The following FAH variants were observed in gnomAD, a reference collection of about 807,000 sequenced individuals.
The protein encoded by FAH is fumarylacetoacetate hydrolase.
In FAH, 47 loss-of-function variants were observed where a neutral mutation model predicts 55.8. That is an observed-to-expected ratio of 0.84 (90% CI 0.67 to 1.07). FAH has a LOEUF of 1.07. FAH is among the 50% of genes least tolerant of loss of function. FAH has a pLI of 0.00. For synonymous variants in FAH, 199 were observed against 207.7 expected (o/e 0.96, Z 0.36); for missense variants, 495 against 545.9 (o/e 0.91, Z 0.93).
At chr15:80,168,789 G>A (rs114776095) in intron 7 of FAH, among the ~76,000 whole-genome samples, 16 of 152,264 alleles carry the variant, frequency 1.1e-4, no homozygotes, top group African/African-American at 3.9e-4. Flanking sequence ...GTGCTAAAGT[G>A]CCGTCTAGTG....
intron 12 of FAH, 101 bp from the exon 13 acceptor site, chr15:80,180,941 C>A: frequency 1.1e-6 from 1 of 925,526 alleles, no homozygotes; most frequent in Non-Finnish European, 1.8e-6. Context: ...CATGAGGGCC[C>A]CCTGCCACTT....
Position 80,153,153 on chromosome 15 carries a change from G to A in FAH, c.81+18G>A. 6.3e-7 allele frequency: 1 copy of A among 1,598,758 alleles called. No homozygotes were observed. On this transcript the variant is annotated intron_variant, in intron 1 of 13. Coordinates refer to ENST00000561421, the MANE Select transcript of FAH (RefSeq NM_000137.4). The stretch of plus-strand genomic sequence containing the variant: ...GAGGCGACGTGAGCAGTGGGGCTTT[G>A]GCGTCCGGGCGCGGGGAGGGAGTGG...
chr15:80,181,381 T>C (rs2041330059), intron 13 of FAH, among the ~76,000 whole-genome samples: 1 of 152,148 alleles, frequency 6.6e-6, no homozygotes, highest in Non-Finnish European at 1.5e-5. Context: ...GACATTCTGC[T>C]TGGTCTCCCT....
chr15:80,182,573 A>G (rs2041340180), intron 13 of FAH, among the ~76,000 whole-genome samples: 1 of 152,200 alleles, frequency 6.6e-6, no homozygotes, highest in Non-Finnish European at 1.5e-5. Flanking sequence ...TATTTACTGA[A>G]CATCTGCTAG....
intron 11 of FAH, among the ~76,000 whole-genome samples, chr15:80,178,733 G>A (rs1011126326): frequency 2.6e-5 from 4 of 151,722 alleles, no homozygotes; most frequent in African/African-American, 7.3e-5. Flanking sequence ...ACAGGTGCCC[G>A]CCACCACGCC....
Position 80,164,503 on chromosome 15 carries a change from T to G in FAH, c.455+2167T>G, listed in dbSNP as rs188984455. ...GGCTCCAGGGATTAGGATCTGGATATCTTTTGGAGGGCTATTTTTCAGCTT... is the reference window on the plus strand; with the variant it reads ...GGCTCCAGGGATTAGGATCTGGATAGCTTTTGGAGGGCTATTTTTCAGCTT... On this transcript the variant is annotated intron_variant, in intron 5 of 13. Transcript: ENST00000561421. 5.9e-5 allele frequency among the ~76,000 whole-genome samples: 9 copies of G among 152,098 alleles called. No individual in the cohort carries two copies. In the South Asian group the frequency reaches 1.7e-3, roughly 28 times the overall value.
At chr15:80,166,503 A>G (rs1374370028) in intron 5 of FAH, 1 of 151,790 alleles carries the variant, frequency 6.6e-6, no homozygotes, top group African/African-American at 2.4e-5. Context: ...TTTCTCTATT[A>G]TTAGTTTACA....
intron 11 of FAH, 85 bp from the exon 12 acceptor site, chr15:80,180,039 A>G (rs2041315960): frequency 2.9e-4 from 226 of 778,164 alleles, no homozygotes; most frequent in Non-Finnish European, 4.1e-4. Context: ...GGCGGTCGTG[A>G]GCAGGGCAGG....
chr15:80,165,214 A>G (rs1159427402), intron 5 of FAH, among the ~76,000 whole-genome samples: 5 of 152,040 alleles, frequency 3.3e-5, no homozygotes, highest in Non-Finnish European at 5.9e-5. Context: ...AATATGGTGA[A>G]ACCCTGTCTC....
At chr15:80,181,856 CTG>C (rs3051263) in intron 13 of FAH, among the ~76,000 whole-genome samples, 93,730 of 151,842 alleles carry the variant, frequency 0.62, 29,291 homozygotes, top group East Asian at 0.85. Flanking sequence ...AGCGATTCTC[CTG>C]TGCCTTAGCC....
intron 5 of FAH, 76 bp downstream of exon 5, chr15:80,162,412 C>T: frequency 8.0e-7 from 1 of 1,254,156 alleles, no homozygotes; most frequent in African/African-American, 1.5e-5. Context: ...GTCTCAGGAG[C>T]TGCCAAGTTC....
intron 7 of FAH, among the ~76,000 whole-genome samples, chr15:80,169,143 G>C (rs2041219642): frequency 6.6e-6 from 1 of 152,182 alleles, no homozygotes; most frequent in South Asian, 2.1e-4. Flanking sequence ...AGCACTTTGG[G>C]AGGCTGAGGT....
intron 13 of FAH, among the ~76,000 whole-genome samples, chr15:80,183,849 C>T (rs554188104): frequency 2.6e-5 from 4 of 152,210 alleles, no homozygotes; most frequent in Non-Finnish European, 4.4e-5. Flanking sequence ...AAGATGCATA[C>T]TTACCCAGGA....
chr15:80,166,121 A>G (rs1319468264), intron 5 of FAH: 1 of 151,600 alleles, frequency 6.6e-6, no homozygotes, highest in Admixed American at 6.6e-5. Context: ...TCATACATAT[A>G]TTTTCTTTTT....
rs550837836 is a variant in FAH at position 80,169,760 on chromosome 15, C to T, written c.606+1444C>T. ...ATGTTAGCCAGGATGGTCTCGATCT[C>T]CTGACCTCGTGATCCACCTGCCTCG... On this transcript the variant is annotated intron_variant, in intron 7 of 13. Coordinates refer to ENST00000561421, the MANE Select transcript of FAH (RefSeq NM_000137.4). 9.2e-5 allele frequency among the ~76,000 whole-genome samples: 14 copies of T among 152,298 alleles called. No homozygotes were observed. In the East Asian group the frequency reaches 2.7e-3, roughly 29 times the overall value.
intron 5 of FAH, chr15:80,165,828 G>A (rs1169630718): frequency 1.3e-5 from 2 of 152,244 alleles, no homozygotes; most frequent in African/African-American, 4.8e-5. Flanking sequence ...AGACCAGGGA[G>A]GGATCCCAAG....
intron 13 of FAH, 141 bp from the exon 14 acceptor site, chr15:80,185,989 G>A: frequency 1.3e-6 from 1 of 749,076 alleles, no homozygotes; most frequent in Non-Finnish European, 2.4e-6. Flanking sequence ...TTATTCTTGT[G>A]TTTAAGATAT....
chr15:80,168,562 C>G, intron 7 of FAH: 1 of 577,108 alleles, frequency 1.7e-6, no homozygotes, highest in Non-Finnish European at 3.1e-6. Context: ...ATTCACAGAG[C>G]TTTTGTGGGC....
chr15:80,155,890 T>C, intron 1 of FAH: 1 of 477,270 alleles, frequency 2.1e-6, no homozygotes, highest in Non-Finnish European at 4.1e-6. Flanking sequence ...CTTTAAGACT[T>C]TCGCTATTTC....
Sources: gnomAD v4.1 joint callset for allele counts (sites outside exome capture counted in the v4.1 genomes callset) on GRCh38, gnomAD v4.1.1 for gene constraint, MANE v1.5 for transcripts, NCBI Gene and HGNC (gene_info 2026-07-23, HGNC 2026-07-21) for gene names.